The following FRMPD2 variants were observed in gnomAD, a reference collection of about 807,000 sequenced individuals.
FRMPD2 encodes FERM and PDZ domain containing 2.
A neutral mutation model predicts 140.1 loss-of-function variants in FRMPD2; 96 were observed. The ratio of observed to expected loss-of-function variants is 0.69; its 90% CI spans 0.58 to 0.81. The LOEUF is 0.81. Among genes scored for constraint, FRMPD2 ranks in the 40% least tolerant of loss-of-function variants. The pLI, the probability that FRMPD2 is intolerant of heterozygous loss-of-function variation, is 0.00. For missense variants in FRMPD2, 1,240 were observed against 1,447.4 expected (o/e 0.86, Z 2.32); for synonymous variants, 449 against 547.6 (o/e 0.82, Z 2.52).
intron 13 of FRMPD2, among the ~76,000 whole-genome samples, chr10:48,208,348 T>C (rs1839246881): frequency 6.6e-6 from 1 of 152,248 alleles, no homozygotes; most frequent in Non-Finnish European, 1.5e-5. Context: ...TGTTTACCTA[T>C]ACAAAGAGAG....
Position 48,232,307 on chromosome 10 carries a change from A to G in FRMPD2, c.994-18T>C. The G allele has an allele frequency of 6.3e-7, 1 of 1,579,628 alleles. No homozygotes were observed. The highest frequency in any genetic ancestry group is 8.6e-7 in the Non-Finnish European group (1 of 1,157,048). On this transcript the variant is annotated intron_variant, in intron 9 of 28. Coordinates refer to ENST00000374201, the MANE Select transcript of FRMPD2 (RefSeq NM_001018071.4). ...TTTTTGGTCTGAAAACAACAACAGT[A>G]TCAATTATACTACAATTATAAGTCA... is the stretch of plus-strand genomic sequence containing the variant.
At position 48,240,492 on chromosome 10, in the gene FRMPD2, C is replaced by T. The variant is rs553983741; in HGVS notation, c.568G>A (p.Val190Met). 1 of 1,613,724 alleles carries T rather than the reference C, an allele frequency of 6.2e-7. No homozygotes were observed. Among genetic ancestry groups the T allele is most frequent in the Non-Finnish European group, 8.5e-7 (1 of 1,180,026 alleles). ...VGLVLGTISE[V>M]EKRVVEESSS... The stretch of plus-strand genomic sequence containing the variant: ...CTTTCCTCCACAACTCTTTTCTCCA[C>T]CTGGGGGTCAAGTGCATCACACATC... Residue 190 changes from valine to methionine, a missense_variant and splice_region_variant, in exon 6 of 29, where the codon GTG (valine) becomes ATG (methionine). This residue lies in a region of FRMPD2 where 1,161 missense variants were observed against 1,055.9 expected (regional missense o/e 1.10). Coordinates refer to ENST00000374201, the MANE Select transcript of FRMPD2 (RefSeq NM_001018071.4).
At chr10:48,233,679 A>G (rs1421741527) in intron 9 of FRMPD2, among the ~76,000 whole-genome samples, 2 of 152,066 alleles carry the variant, frequency 1.3e-5, no homozygotes, top group Non-Finnish European at 2.9e-5. Flanking sequence ...CGAGTATACA[A>G]AGCTTTGACT....
chr10:48,252,234 A>C (rs1840402775), intron 1 of FRMPD2, among the ~76,000 whole-genome samples: 1 of 152,092 alleles, frequency 6.6e-6, no homozygotes, highest in African/African-American at 2.4e-5. Context: ...TATAAGCCCC[A>C]TGTTTCAGAA....
intron 2 of FRMPD2, among the ~76,000 whole-genome samples, chr10:48,249,926 C>T (rs1007372266): frequency 1.3e-5 from 2 of 152,154 alleles, no homozygotes; most frequent in African/African-American, 2.4e-5. Flanking sequence ...TGAAGAGACA[C>T]TATAGGAGGC....
At chr10:48,197,920 C>T (rs1410197129) in intron 15 of FRMPD2, among the ~76,000 whole-genome samples, 1 of 152,198 alleles carries the variant, frequency 6.6e-6, no homozygotes, top group Admixed American at 6.5e-5. Context: ...TTGCTCCTCC[C>T]CATAATGCTG....
intron 1 of FRMPD2, among the ~76,000 whole-genome samples, chr10:48,260,165 A>T (rs1172121361): frequency 6.6e-6 from 1 of 152,016 alleles, no homozygotes; most frequent in Admixed American, 6.6e-5. Context: ...ATAGATTGAT[A>T]GATAGATAGA....
At chr10:48,187,396 T>C (rs1838715365) in intron 16 of FRMPD2, 104 bp from the exon 17 acceptor site, 1 of 888,932 alleles carries the variant, frequency 1.1e-6, no homozygotes, top group Non-Finnish European at 1.8e-6. Flanking sequence ...TTTCTGAGTA[T>C]GGATGATGGC....
intron 17 of FRMPD2, 88 bp from the exon 18 acceptor site, chr10:48,185,733 C>T (rs941789112): frequency 1.2e-5 from 11 of 897,118 alleles, no homozygotes; most frequent in Non-Finnish European, 1.9e-5. Context: ...ATTTCACACA[C>T]ATGCGCGCAC....
chr10:48,242,213 G>C lies in FRMPD2; in HGVS notation c.515C>G (p.Ala172Gly). ...EKEVSVYPAP[A>G]GLHIRRLVGL... is the part of the protein sequence containing the mutation. ...AACCAGCCTTCTGATGTGGAGACCA[G>C]CAGGGGCTGGGTAGACAGACACTTC... The change falls in exon 5 of 29, where the codon GCT becomes GGT. Residue 172 changes from alanine (A) to glycine (G), a missense_variant. Ala to Gly is a moderately conservative substitution (Grantham distance 60, BLOSUM62 0). Coordinates refer to ENST00000374201, the MANE Select transcript of FRMPD2 (RefSeq NM_001018071.4). 6.2e-7 allele frequency: 1 copy of C among 1,614,220 alleles called. No individual in the cohort carries two copies. The highest frequency in any genetic ancestry group is 8.5e-7 in the Non-Finnish European group (1 of 1,180,022).
intron 18 of FRMPD2, among the ~76,000 whole-genome samples, chr10:48,185,098 AG>A (rs1170124685): frequency 3.9e-5 from 6 of 152,236 alleles, no homozygotes; most frequent in African/African-American, 1.4e-4. Context: ...AGCTAAAGCT[AG>A]GAATACAAAC....
chr10:48,236,511 T>C lies in FRMPD2; in HGVS notation c.964A>G (p.Met322Val). Reference protein sequence around the residue: ...EFILLAGEAPMTLHLPGSVVT... With the variant: ...EFILLAGEAPVTLHLPGSVVT... Reference sequence around the variant, plus strand: ...ACCGATCCCGGCAGATGTAGTGTCATCGGGGCCTCTCCAGCCAACAGGATG... The same window carrying C: ...ACCGATCCCGGCAGATGTAGTGTCACCGGGGCCTCTCCAGCCAACAGGATG... Residue 322 changes from methionine to valine, a missense_variant, in exon 9 of 29, where the codon ATG becomes GTG. Coordinates refer to ENST00000374201, the MANE Select transcript of FRMPD2 (RefSeq NM_001018071.4). 1 of 1,614,182 alleles carries C rather than the reference T, an allele frequency of 6.2e-7. No homozygotes were observed. Among genetic ancestry groups the C allele is most frequent in the Non-Finnish European group, 8.5e-7 (1 of 1,180,010 alleles).
chr10:48,261,767 A>G (rs1338819698), intron 1 of FRMPD2, among the ~76,000 whole-genome samples: 1 of 152,176 alleles, frequency 6.6e-6, no homozygotes, highest in African/African-American at 2.4e-5. Flanking sequence ...TATAATAGCA[A>G]CAACATCTTG....
chr10:48,228,787 A>T (rs1314261487), intron 10 of FRMPD2, among the ~76,000 whole-genome samples: 1 of 151,860 alleles, frequency 6.6e-6, no homozygotes, highest in African/African-American at 2.4e-5. Context: ...ATGTGTTTTT[A>T]TTTGTTGTCG....
At chr10:48,248,118 G>C (rs1369355000) in intron 3 of FRMPD2, among the ~76,000 whole-genome samples, 2 of 152,174 alleles carry the variant, frequency 1.3e-5, no homozygotes, top group East Asian at 3.9e-4. Flanking sequence ...TGCCTCCCGA[G>C]GGTAGCAGCA....
intron 22 of FRMPD2, 114 bp from the exon 23 acceptor site, chr10:48,176,053 C>A (rs1838401257): frequency 3.1e-6 from 2 of 648,688 alleles, no homozygotes; most frequent in East Asian, 2.7e-5. Flanking sequence ...ATGACCTTAC[C>A]TCCGACTGGC....
At chr10:48,228,311 T>G (rs185423236) in intron 10 of FRMPD2, among the ~76,000 whole-genome samples, 1 of 152,030 alleles carries the variant, frequency 6.6e-6, no homozygotes, top group East Asian at 1.9e-4. Context: ...GATTATGTTT[T>G]ATAAGATATA....
intron 20 of FRMPD2, 146 bp downstream of exon 20, chr10:48,184,420 A>T: frequency 1.7e-6 from 1 of 590,812 alleles, no homozygotes; most frequent in Non-Finnish European, 3.0e-6. Flanking sequence ...AATTTGTGCC[A>T]CTACACTGCT....
At chr10:48,211,865 A>G (rs1389947287) in intron 13 of FRMPD2, 89 bp downstream of exon 13, 4 of 1,336,630 alleles carry the variant, frequency 3.0e-6, no homozygotes, top group Non-Finnish European at 4.1e-6. Flanking sequence ...GTCTGCACAC[A>G]CCTGGGCCCC....
Sources: gnomAD v4.1 joint callset for allele counts (sites outside exome capture counted in the v4.1 genomes callset) on GRCh38, gnomAD v4.1.1 for gene constraint, gnomAD v4.1.1 regional missense constraint, MANE v1.5 for transcripts, NCBI Gene and HGNC (gene_info 2026-07-23, HGNC 2026-07-21) for gene names.